The following MED8 variants were observed in gnomAD, a reference collection of about 807,000 sequenced individuals.
The protein encoded by MED8 is mediator complex subunit 8, also known as mediator of RNA polymerase II transcription subunit 8.
Under a neutral mutation model 34.8 loss-of-function variants are expected in MED8, and 22 were observed. That is an observed-to-expected ratio of 0.63 (90% CI 0.45 to 0.90). MED8 has a LOEUF of 0.90. Among genes scored for constraint, MED8 ranks in the 40% least tolerant of loss-of-function variants. The pLI, the probability that MED8 is intolerant of heterozygous loss-of-function variation, is 0.00. For synonymous variants in MED8, 105 were observed against 120.2 expected, an observed-to-expected ratio of 0.87 and a Z score of 0.83; for missense variants, 260 against 326.3, an observed-to-expected ratio of 0.80 and a Z score of 1.57.
chr1:43,386,012 G>A lies in MED8; in HGVS notation c.708C>T (p.Leu236=). 2 of 1,613,994 alleles carry A rather than the reference G, an allele frequency of 1.2e-6. No individual in the cohort carries two copies. Among genetic ancestry groups the A allele is most frequent in the Non-Finnish European group, 1.7e-6 (2 of 1,179,900 alleles). ...CTGCCTGAGCCATTTGTACCCCACT[G>A]AGCATTGGCTGCTGCTGGCTTGGAG... is the stretch of plus-strand genomic sequence containing the variant. ...AGAPSQQQPM[L]SGVQMAQAGQ... The change falls in exon 6 of 7, where the codon CTC becomes CTT. Residue 236 remains leucine, a synonymous_variant. Coordinates refer to ENST00000372457, the MANE Select transcript of MED8 (RefSeq NM_201542.5). The surrounding 1 kb of genome is among the most constrained non-coding windows in gnomAD (Gnocchi z 4.9).
Position 43,387,570 on chromosome 1 carries a change from G to A in MED8, c.203C>T (p.Thr68Ile). ...TLNKVLKHEK[T>I]PLFRNQVIIP... ...GATGACCTGGTTACGGAACAGCGGT[G>A]TTTTTTCATGCTTCAAGACCTTGTT... Residue 68 changes from threonine to isoleucine, a missense_variant, in exon 3 of 7, where the codon ACA becomes ATA. Thr to Ile is a moderately conservative substitution (Grantham distance 89). Transcript: ENST00000372457. The A allele has an allele frequency of 6.2e-7, 1 of 1,614,020 alleles. No individual in the cohort carries two copies. Among genetic ancestry groups the A allele is most frequent in the South Asian group, 1.1e-5 (1 of 91,082 alleles).
chr1:43,384,333 TC>T lies in MED8; in HGVS notation c.*708del, dbSNP rs769869827. 1.7e-5 allele frequency: 23 copies of T among 1,341,448 alleles called. No individual in the cohort carries two copies. In the Middle Eastern group the frequency reaches 7.7e-4, roughly 45 times the overall value. The allele number at this position is 1,341,448 out of a possible 1,614,324, so 83.1% of individuals were successfully genotyped here. A position where few individuals can be genotyped will look rare whatever the true frequency, so the allele number is the denominator to read the frequency against. On this transcript the variant is annotated 3_prime_UTR_variant, in exon 7 of 7. Transcript: ENST00000372457. ...CATAGTCCTGCCTGGCAGAGCCACT[TC>T]CTGAGAAAGCCTCGTGTGTATAAGG... is the stretch of plus-strand genomic sequence containing the variant.
At position 43,386,732 on chromosome 1, in the gene MED8, T is replaced by A. The variant is rs1647747160; in HGVS notation, c.412-62A>T. 6.3e-7 allele frequency: 1 copy of A among 1,589,026 alleles called. No individual in the cohort carries two copies. Among genetic ancestry groups the A allele is most frequent in the African/African-American group, 1.3e-5 (1 of 74,536 alleles). ...TAGGAAACGATATGGAGAAATTTAT[T>A]CCTTGGGTTCTGCCAGAAGCAACTT... On this transcript the variant is annotated intron_variant, in intron 4 of 6. Coordinates refer to ENST00000372457, the MANE Select transcript of MED8 (RefSeq NM_201542.5). This position sits in a 1 kb window ranked among gnomAD's most constrained non-coding sequence, Gnocchi z 4.9.
In MED8 at chr1:43,384,743, AT is replaced by A; in HGVS notation, c.*298del. ...GAAGGATCTGTAGAAACTATCATTT[AT>A]TGAATACCCATTATTTCATATACTG... On this transcript the variant is annotated 3_prime_UTR_variant, in exon 7 of 7. Coordinates refer to ENST00000372457, the MANE Select transcript of MED8 (RefSeq NM_201542.5). The A allele has an allele frequency of 7.0e-7, 1 of 1,432,972 alleles. No individual in the cohort carries two copies. Among genetic ancestry groups the A allele is most frequent in the Non-Finnish European group, 9.1e-7 (1 of 1,098,220 alleles). 88.8% of individuals were successfully genotyped at this position (1,432,972 alleles called of 1,614,324 possible). A position where few individuals can be genotyped will look rare whatever the true frequency, so the allele number is the denominator to read the frequency against.
chr1:43,386,497 T>G lies in MED8; in HGVS notation c.493+92A>C. The G allele has an allele frequency of 1.5e-6, 2 of 1,372,530 alleles. No homozygotes were observed. Among genetic ancestry groups the G allele is most frequent in the Non-Finnish European group, 2.0e-6 (2 of 987,330 alleles). 85.0% of individuals were successfully genotyped at this position (1,372,530 alleles called of 1,614,324 possible). On this transcript the variant is annotated intron_variant, in intron 5 of 6. Transcript: ENST00000372457. The surrounding 1 kb of genome is among the most constrained non-coding windows in gnomAD (Gnocchi z 4.9). ...CAAACCCCAAAGCAGTTCACCCTTG[T>G]GTCCTAACTTCACTACTTCCAAAAC...
At chr1:43,385,332 T>C (rs1229608982) in intron 6 of MED8, 5 of 536,294 alleles carry the variant, frequency 9.3e-6, no homozygotes, top group Non-Finnish European at 1.6e-5. Flanking sequence ...GTTCATCCAC[T>C]CCTAGAACAG....
intron 3 of MED8, 50 bp downstream of exon 3, chr1:43,387,453 G>A: frequency 6.3e-7 from 1 of 1,591,968 alleles, no homozygotes; most frequent in Non-Finnish European, 8.6e-7. Context: ...TACTAAAGAA[G>A]CCTAAAAAAC....
At position 43,386,123 on chromosome 1, in the gene MED8, G is replaced by A. The variant is rs879463092; in HGVS notation, c.597C>T (p.Ser199=). 1.2e-5 allele frequency: 19 copies of A among 1,613,894 alleles called. No individual in the cohort carries two copies. Among genetic ancestry groups the A allele is most frequent in the Admixed American group, 5.0e-5 (3 of 60,006 alleles). ...GCTGGCCTGCCTGGCCAGGACCACT[G>A]CTGCCTGAAGGTCTCCAATTAGATA... The part of the protein sequence containing the change: ...KGLSNWRPSG[S]SGPGQAGQPG... The change falls in exon 6 of 7, where the codon AGC becomes AGT. Residue 199 remains serine, a synonymous_variant. Coordinates refer to ENST00000372457, the MANE Select transcript of MED8 (RefSeq NM_201542.5). This position sits in a 1 kb window ranked among gnomAD's most constrained non-coding sequence, Gnocchi z 4.9.
At position 43,386,799 on chromosome 1, in the gene MED8, A is replaced by G. The variant is rs1453182819; in HGVS notation, c.411+59T>C. 3.1e-6 allele frequency: 5 copies of G among 1,610,346 alleles called. No homozygotes were observed. The highest frequency in any genetic ancestry group is 4.2e-6 in the Non-Finnish European group (5 of 1,177,768). On this transcript the variant is annotated intron_variant, in intron 4 of 6. Transcript: ENST00000372457. The surrounding 1 kb of genome is among the most constrained non-coding windows in gnomAD (Gnocchi z 4.9). ...GTATCCCTACTAGACAGGAATGGTA[A>G]TGCCTAGCTTCTCATGATGGGATGG...
At position 43,384,829 on chromosome 1, in the gene MED8, G is replaced by T. The variant is rs913774671; in HGVS notation, c.*213C>A. 3 of 1,372,996 alleles carry T rather than the reference G, an allele frequency of 2.2e-6. No homozygotes were observed. Among genetic ancestry groups the T allele is most frequent in the Non-Finnish European group, 2.9e-6 (3 of 1,046,108 alleles). 85.1% of individuals were successfully genotyped at this position (1,372,996 alleles called of 1,614,324 possible). A position where few individuals can be genotyped will look rare whatever the true frequency, so the allele number is the denominator to read the frequency against. On this transcript the variant is annotated 3_prime_UTR_variant, in exon 7 of 7. Coordinates refer to ENST00000372457, the MANE Select transcript of MED8 (RefSeq NM_201542.5). ...TCCTCACAACAACCCTATGAGGTAG[G>T]TATTATCACCATTTACAAATGAGAA...
Position 43,383,976 on chromosome 1 carries a change from T to C in MED8, c.*1066A>G, listed in dbSNP as rs1226272551. Reference sequence around the variant, plus strand: ...GGTCCACTTCTGCTGACTCAACCCCTGCCCATGCCAACAAAGGAGTACTAA... The same window carrying C: ...GGTCCACTTCTGCTGACTCAACCCCCGCCCATGCCAACAAAGGAGTACTAA... On this transcript the variant is annotated 3_prime_UTR_variant, in exon 7 of 7. Coordinates refer to ENST00000372457, the MANE Select transcript of MED8 (RefSeq NM_201542.5). 6.5e-6 allele frequency: 1 copy of C among 154,186 alleles called. No homozygotes were observed. Among genetic ancestry groups the C allele is most frequent in the Non-Finnish European group, 1.4e-5 (1 of 69,474 alleles). The allele number at this position is 154,186 out of a possible 1,614,324, so 9.6% of individuals were successfully genotyped here.
chr1:43,387,354 G>A, intron 3 of MED8, 149 bp downstream of exon 3: 2 of 1,005,272 alleles, frequency 2.0e-6, no homozygotes, highest in Non-Finnish European at 2.9e-6. Flanking sequence ...AGCACTATTT[G>A]GGAGTGGCTC....
At chr1:43,385,712 T>C (rs1161329637) in intron 6 of MED8, 12 of 496,410 alleles carry the variant, frequency 2.4e-5, no homozygotes, top group Admixed American at 1.0e-4. Context: ...ATAAATGGGA[T>C]AGAAGGATAG....
chr1:43,387,116 C>T (rs574192626), intron 3 of MED8, 118 bp from the exon 4 acceptor site: 4 of 1,328,924 alleles, frequency 3.0e-6, no homozygotes, highest in African/African-American at 2.9e-5. Flanking sequence ...CAACCTGAGA[C>T]ATAATATCTA....
intron 6 of MED8, chr1:43,385,729 C>CA: frequency 1.9e-6 from 1 of 539,248 alleles, no homozygotes. Context: ...ATAGTTGACA[C>CA]AGAGATGTGA....
Position 43,384,883 on chromosome 1 carries a change from C to G in MED8, c.*159G>C. On this transcript the variant is annotated 3_prime_UTR_variant, in exon 7 of 7. Transcript: ENST00000372457. ...GGCTCAGAAAAATTAGGTCACTTGT[C>G]CAAGGTCACACAGCTAGTCAGTGGT... 1 of 1,417,670 alleles carries G rather than the reference C, an allele frequency of 7.1e-7. No individual in the cohort carries two copies. The highest frequency in any genetic ancestry group is 9.2e-7 in the Non-Finnish European group (1 of 1,081,702). 87.8% of individuals were successfully genotyped at this position (1,417,670 alleles called of 1,614,324 possible).
chr1:43,389,326 C>G (rs1647956037), intron 1 of MED8, among the ~76,000 whole-genome samples: 1 of 152,182 alleles, frequency 6.6e-6, no homozygotes, highest in South Asian at 2.1e-4. Flanking sequence ...TTTCAGCCAT[C>G]GCGGCCCACA....
At chr1:43,389,506 C>T (rs1027775178) in intron 1 of MED8, among the ~76,000 whole-genome samples, 2 of 152,168 alleles carry the variant, frequency 1.3e-5, no homozygotes, top group African/African-American at 4.8e-5. Flanking sequence ...TCCTTTCCCA[C>T]GCCAAGCAAA....
rs1307676974 is a variant in MED8 at position 43,387,584 on chromosome 1, C to T, written c.189G>A (p.Leu63=). ...GGAACAGCGGTGTTTTTTCATGCTT[C>T]AAGACCTTGTTCAGAGTGTTCAGCT... The part of the protein sequence containing the change: ...SGQLNTLNKV[L]KHEKTPLFRN... Residue 63 remains leucine, a synonymous_variant, in exon 3 of 7, where the codon TTG becomes TTA. Coordinates refer to ENST00000372457, the MANE Select transcript of MED8 (RefSeq NM_201542.5). The T allele has an allele frequency of 6.2e-7, 1 of 1,613,994 alleles. No individual in the cohort carries two copies. Among genetic ancestry groups the T allele is most frequent in the African/African-American group, 1.3e-5 (1 of 75,044 alleles).
Sources: allele counts gnomAD v4.1 joint callset (sites outside exome capture counted in the v4.1 genomes callset), GRCh38; gene constraint gnomAD v4.1.1; non-coding constraint Gnocchi (gnomAD v3.1); transcripts MANE v1.5; gene names NCBI Gene and HGNC (gene_info 2026-07-23, HGNC 2026-07-21).